Variants in MPP7 observed in about 807,000 individuals in gnomAD.
The protein encoded by MPP7 is MAGUK p55 subfamily member 7.
A neutral mutation model predicts 76.5 loss-of-function variants in MPP7; 60 were observed. That is an observed-to-expected ratio of 0.78 (90% CI 0.64 to 0.97). MPP7 has a LOEUF of 0.97. Among genes scored for constraint, MPP7 ranks in the 50% least tolerant of loss-of-function variants. The probability of loss-of-function intolerance (pLI) is 0.00; values close to 1 mark genes in which losing one functional copy is unlikely to be tolerated. For missense variants in MPP7, 641 were observed against 694.0 expected (o/e 0.92, Z 0.86); for synonymous variants, 237 against 244.5 (o/e 0.97, Z 0.29).
At chr10:28,215,512 G>T (rs777453238) in intron 2 of MPP7, among the ~76,000 whole-genome samples, 7 of 152,176 alleles carry the variant, frequency 4.6e-5, no homozygotes, top group Non-Finnish European at 8.8e-5. Flanking sequence ...CAGGGACAGC[G>T]TTCTCGAGGA....
At chr10:28,147,632 C>T in intron 4 of MPP7, 69 bp from the exon 5 acceptor site, 4 of 1,345,018 alleles carry the variant, frequency 3.0e-6, no homozygotes, top group Non-Finnish European at 4.3e-6. Flanking sequence ...TGTGTGACAA[C>T]TGAGAATCTA....
At chr10:28,070,907 C>A (rs1402845927) in intron 12 of MPP7, among the ~76,000 whole-genome samples, 3 of 152,178 alleles carry the variant, frequency 2.0e-5, no homozygotes, top group Non-Finnish European at 2.9e-5. Context: ...TTGCTTTCCA[C>A]CTAAAAGCTT....
intron 2 of MPP7, among the ~76,000 whole-genome samples, chr10:28,315,666 C>T (rs913388500): frequency 1.3e-5 from 2 of 152,126 alleles, no homozygotes; most frequent in Non-Finnish European, 2.9e-5. Context: ...AGACAAATCA[C>T]CCATGCAGAA....
At chr10:28,262,230 T>TATATATATATAC (rs1839996823) in intron 1 of MPP7, among the ~76,000 whole-genome samples, 5 of 76,252 alleles carry the variant, frequency 6.6e-5, no homozygotes, top group Non-Finnish European at 8.8e-5. Context: ...TATATACATA[T>TATATATATATAC]ATATATATAT....
At chr10:28,268,236 G>A (rs964053927) in intron 1 of MPP7, among the ~76,000 whole-genome samples, 9 of 152,158 alleles carry the variant, frequency 5.9e-5, no homozygotes, top group East Asian at 1.9e-4. Context: ...AAGGGCATCC[G>A]GCAGAAGGTA....
intron 3 of MPP7, among the ~76,000 whole-genome samples, chr10:28,164,921 ATG>A (rs1328289950): frequency 2.6e-5 from 4 of 152,226 alleles, no homozygotes; most frequent in Non-Finnish European, 5.9e-5. Context: ...ACATATATCC[ATG>A]TAATAAAACT....
At chr10:28,076,816 AG>A (rs1206560363) in intron 12 of MPP7, among the ~76,000 whole-genome samples, 3 of 151,596 alleles carry the variant, frequency 2.0e-5, no homozygotes, top group African/African-American at 7.3e-5. Context: ...TGAACGTGGG[AG>A]GCAGAGGTTA....
At chr10:28,128,658 A>G (rs921678962) in intron 6 of MPP7, among the ~76,000 whole-genome samples, 1 of 152,228 alleles carries the variant, frequency 6.6e-6, no homozygotes, top group African/African-American at 2.4e-5. Flanking sequence ...TGGAATTGCC[A>G]TCAACTAAAA....
chr10:28,081,502 TAAG>T (rs147527151), intron 12 of MPP7, among the ~76,000 whole-genome samples: 1 of 152,310 alleles, frequency 6.6e-6, no homozygotes, highest in Non-Finnish European at 1.5e-5. Context: ...AAATGAGGCT[TAAG>T]AAGAATACAT....
chr10:28,280,817 C>A (rs1840647203), intron 1 of MPP7, among the ~76,000 whole-genome samples: 2 of 151,956 alleles, frequency 1.3e-5, no homozygotes, highest in Non-Finnish European at 2.9e-5. Flanking sequence ...ATAACAGGGT[C>A]AAAACTGTCC....
intron 3 of MPP7, among the ~76,000 whole-genome samples, chr10:28,164,625 G>A (rs1319531952): frequency 6.6e-6 from 1 of 151,914 alleles, no homozygotes; most frequent in Non-Finnish European, 1.5e-5. Context: ...TGGGCCACGT[G>A]CAGCCCAACA....
Position 28,238,636 on chromosome 10 carries a change from G to C in MPP7, c.-32C>G. ...AGGTGTAGGAACAGGTCAGCCCACCGCTCTCCGGACACCCTGCCTTCGGAC... is the reference window on the plus strand; with the variant it reads ...AGGTGTAGGAACAGGTCAGCCCACCCCTCTCCGGACACCCTGCCTTCGGAC... On this transcript the variant is annotated 5_prime_UTR_variant, in exon 2 of 17. Coordinates refer to ENST00000683449, the MANE Select transcript of MPP7 (RefSeq NM_001318170.2). The C allele has an allele frequency of 6.2e-7, 1 of 1,613,270 alleles. No individual in the cohort carries two copies. Among genetic ancestry groups the C allele is most frequent in the South Asian group, 1.1e-5 (1 of 91,040 alleles).
chr10:28,309,781 G>C (rs12221389), intron 2 of MPP7, among the ~76,000 whole-genome samples: 54,150 of 151,606 alleles, frequency 0.36, 9,897 homozygotes, highest in East Asian at 0.54. Flanking sequence ...CCTTCTGACA[G>C]TCAGTGCGTT....
intron 5 of MPP7, among the ~76,000 whole-genome samples, chr10:28,139,113 G>A (rs1207232743): frequency 6.6e-6 from 1 of 152,174 alleles, no homozygotes; most frequent in Non-Finnish European, 1.5e-5. Flanking sequence ...TTAAGGAAAG[G>A]GCCAGGGGAA....
At chr10:28,222,755 G>C (rs1349648508) in intron 2 of MPP7, among the ~76,000 whole-genome samples, 1 of 150,894 alleles carries the variant, frequency 6.6e-6, no homozygotes, top group Non-Finnish European at 1.5e-5. Flanking sequence ...GGGAGGCTGA[G>C]GCAGGAGAAT....
At position 28,312,190 on chromosome 10, in the gene MPP7, C is replaced by T. The variant is rs80150307; in HGVS notation, c.-132+17739G>A. 8.9e-3 allele frequency among the ~76,000 whole-genome samples: 1,354 copies of T among 152,260 alleles called. 18 individuals carry two copies. The highest frequency in any genetic ancestry group is 0.031 in the African/African-American group (1,287 of 41,544). ...TGGCTGGGATGGCCAGCCTTTATTC[C>T]CTTTTTTGTCCCCTCGCATGTTCTG... On this transcript the variant is annotated intron_variant, in intron 2 of 11. Transcript: ENST00000441595.
At chr10:28,193,222 T>G (rs1837468479) in intron 3 of MPP7, among the ~76,000 whole-genome samples, 1 of 150,920 alleles carries the variant, frequency 6.6e-6, no homozygotes, top group Non-Finnish European at 1.5e-5. Context: ...TTTGTTTTTT[T>G]TTTTTTTTGA....
At chr10:28,122,531 T>TG (rs1834874991) in intron 8 of MPP7, among the ~76,000 whole-genome samples, 2 of 152,156 alleles carry the variant, frequency 1.3e-5, no homozygotes, top group African/African-American at 2.4e-5. Flanking sequence ...CATATAAATA[T>TG]ACCTATTTTC....
chr10:28,066,150 T>C (rs1174504598), intron 13 of MPP7, among the ~76,000 whole-genome samples: 1 of 152,150 alleles, frequency 6.6e-6, no homozygotes, highest in Non-Finnish European at 1.5e-5. Context: ...GAGGATCATC[T>C]GAGGCCAGGA....
Sources: allele counts gnomAD v4.1 joint callset (sites outside exome capture counted in the v4.1 genomes callset), GRCh38; gene constraint gnomAD v4.1.1; transcripts MANE v1.5; gene names NCBI Gene and HGNC (gene_info 2026-07-23, HGNC 2026-07-21).